Variants in G3BP2 observed in about 807,000 individuals in gnomAD.
The protein encoded by G3BP2 is ras GTPase-activating protein-binding protein 2.
A neutral mutation model predicts 56.7 loss-of-function variants in G3BP2; 11 were observed. The ratio of observed to expected loss-of-function variants is 0.19; its 90% CI spans 0.12 to 0.32. G3BP2 has a LOEUF of 0.32. Among genes scored for constraint, G3BP2 ranks in the 10% least tolerant of loss-of-function variants. G3BP2 has a pLI of 1.00. For missense variants in G3BP2, 340 were observed against 610.9 expected (o/e 0.56, Z 4.67); for synonymous variants, 165 against 191.6 (o/e 0.86, Z 1.15).
chr4:75,654,995 G>T, intron 7 of G3BP2, 71 bp downstream of exon 7: 1 of 939,368 alleles, frequency 1.1e-6, no homozygotes. Context: ...AATAGAAAAA[G>T]GTCATACTTC....
intron 3 of G3BP2, among the ~76,000 whole-genome samples, chr4:75,696,855 C>T (rs1345155927): frequency 6.6e-6 from 1 of 152,168 alleles, no homozygotes; most frequent in African/African-American, 2.4e-5. Context: ...AAACTCAGCA[C>T]TTTCCGCACA....
chr4:75,698,190 A>T (rs1719200268), intron 3 of G3BP2, among the ~76,000 whole-genome samples: 1 of 152,154 alleles, frequency 6.6e-6, no homozygotes, highest in Non-Finnish European at 1.5e-5. Flanking sequence ...AGCCCACTGT[A>T]ATACAGAGAG....
At chr4:75,693,875 C>T (rs1368056327) in intron 3 of G3BP2, among the ~76,000 whole-genome samples, 1 of 151,284 alleles carries the variant, frequency 6.6e-6, no homozygotes, top group South Asian at 2.1e-4. Context: ...ACGAGGCCCA[C>T]AAGCCTGCCA....
chr4:75,661,450 A>G (rs531239486), intron 2 of G3BP2: 6 of 148,036 alleles, frequency 4.1e-5, no homozygotes, highest in Admixed American at 1.4e-4. Context: ...AACCTTATAT[A>G]GTTCTCCAGC....
chr4:75,675,215 C>T (rs1284888611), upstream of G3BP2, among the ~76,000 whole-genome samples: 1 of 152,164 alleles, frequency 6.6e-6, no homozygotes, highest in African/African-American at 2.4e-5. Context: ...ATTCACTTAT[C>T]TGCCCTACTG....
At chr4:75,677,060 A>T (rs1011639366), upstream of G3BP2, among the ~76,000 whole-genome samples, 3 of 152,232 alleles carry the variant, frequency 2.0e-5, no homozygotes, top group Non-Finnish European at 2.9e-5. Context: ...GTAAATTTTT[A>T]AAAGTAAAAT....
rs1461916754 is a variant in G3BP2 at position 75,657,544 on chromosome 4, T to C, written c.351+13A>G. The C allele has an allele frequency of 8.2e-6, 13 of 1,588,094 alleles. No individual in the cohort carries two copies. Among genetic ancestry groups the C allele is most frequent in the South Asian group, 5.7e-5 (5 of 87,374 alleles). On this transcript the variant is annotated intron_variant, in intron 4 of 11. Coordinates refer to ENST00000359707, the MANE Select transcript of G3BP2 (RefSeq NM_203505.3). ...ACCATATAAATGAAAACTAAGTGAA[T>C]TGAGAAACTTACTTCAGGAGCCAGA...
chr4:75,646,581 A>C, intron 10 of G3BP2, 125 bp from the exon 11 acceptor site: 1 of 694,270 alleles, frequency 1.4e-6, no homozygotes. Context: ...GCAAGCTTCT[A>C]CACACAGTGA....
chr4:75,680,042 C>G (rs1349953509), intron 3 of G3BP2, among the ~76,000 whole-genome samples: 1 of 152,170 alleles, frequency 6.6e-6, no homozygotes, highest in Non-Finnish European at 1.5e-5. Flanking sequence ...CAGTGGGCTG[C>G]AGGGTGTGTT....
chr4:75,651,008 T>C (rs1731661772), intron 8 of G3BP2, among the ~76,000 whole-genome samples: 1 of 152,236 alleles, frequency 6.6e-6, no homozygotes, highest in Non-Finnish European at 1.5e-5. Flanking sequence ...GTTCTATGTC[T>C]GACAAAGATA....
At chr4:75,718,392 G>GT (rs1244967761) in intron 3 of G3BP2, among the ~76,000 whole-genome samples, 4 of 152,058 alleles carry the variant, frequency 2.6e-5, no homozygotes, top group Non-Finnish European at 5.9e-5. Context: ...ATTAAATAAT[G>GT]TAACATGATC....
upstream of G3BP2, among the ~76,000 whole-genome samples, chr4:75,676,785 CAT>C (rs1733892435): frequency 6.6e-6 from 1 of 152,210 alleles, no homozygotes; most frequent in South Asian, 2.1e-4. Flanking sequence ...CCAGATCTTT[CAT>C]AGTTATAATT....
intron 3 of G3BP2, among the ~76,000 whole-genome samples, chr4:75,686,616 C>A (rs1718620742): frequency 6.6e-6 from 1 of 151,448 alleles, no homozygotes; most frequent in South Asian, 2.1e-4. Context: ...GTGCTGGCAA[C>A]CACAAGCAAT....
intron 7 of G3BP2, 99 bp from the exon 8 acceptor site, chr4:75,654,180 C>T (rs1171184349): frequency 1.5e-6 from 1 of 656,272 alleles, no homozygotes; most frequent in Non-Finnish European, 2.8e-6. Flanking sequence ...CATTTCTAAA[C>T]TATTGCTCTA....
intron 3 of G3BP2, among the ~76,000 whole-genome samples, chr4:75,687,470 C>G (rs1718660945): frequency 6.6e-6 from 1 of 152,164 alleles, no homozygotes; most frequent in Admixed American, 6.5e-5. Flanking sequence ...TCTTTACCAG[C>G]TGTGTGAAAA....
chr4:75,667,560 C>T (rs1382387524), intron 1 of G3BP2, among the ~76,000 whole-genome samples: 1 of 152,154 alleles, frequency 6.6e-6, no homozygotes, highest in Non-Finnish European at 1.5e-5. Context: ...AGTCAAAGCT[C>T]TCTCATGAAC....
rs143804378 is a variant in G3BP2 at position 75,720,973 on chromosome 4, C to CAAAAAAA, written c.-117-11_-117-5dup. On this transcript the variant is annotated splice_polypyrimidine_tract_variant and splice_region_variant and intron_variant, in intron 2 of 3. Transcript: ENST00000499709. Reference sequence around the variant, plus strand: ...GTAACATAGCAAGACTTCATCTCTACAAAAAAAAAAAAAAAAAAAAAATTA... The same window carrying CAAAAAAA: ...GTAACATAGCAAGACTTCATCTCTACAAAAAAAAAAAAAAAAAAAAAAAAAAAAATTA... 1.7e-4 allele frequency among the ~76,000 whole-genome samples: 12 copies of CAAAAAAA among 69,576 alleles called. 1 individual carries two copies. The highest frequency in any genetic ancestry group is 3.4e-4 in the Non-Finnish European group (11 of 32,320). 45.6% of individuals were successfully genotyped at this position (69,576 alleles called of 152,430 possible). A position where few individuals can be genotyped will look rare whatever the true frequency, so the allele number is the denominator to read the frequency against.
At chr4:75,676,762 C>G (rs1385001341), upstream of G3BP2, among the ~76,000 whole-genome samples, 1 of 152,198 alleles carries the variant, frequency 6.6e-6, no homozygotes, top group Admixed American at 6.5e-5. Flanking sequence ...ACAGTCTGTT[C>G]CCCTCACAGC....
chr4:75,713,258 A>G (rs1719820215), intron 3 of G3BP2, among the ~76,000 whole-genome samples: 1 of 152,206 alleles, frequency 6.6e-6, no homozygotes, highest in Admixed American at 6.5e-5. Flanking sequence ...AAGTTGAAAG[A>G]TGGAGATTCC....
Sources: allele counts gnomAD v4.1 joint callset (sites outside exome capture counted in the v4.1 genomes callset), GRCh38; gene constraint gnomAD v4.1.1; transcripts MANE v1.5; gene names NCBI Gene and HGNC (gene_info 2026-07-23, HGNC 2026-07-21).